Variants in NFAM1 observed in about 807,000 individuals in gnomAD.
The protein encoded by NFAM1 is NFAT activating protein with ITAM motif 1.
Under a neutral mutation model 29.0 loss-of-function variants are expected in NFAM1, and 17 were observed. That is an observed-to-expected ratio of 0.59 (90% CI 0.40 to 0.88). The LOEUF is 0.88. NFAM1 is among the 40% of genes least tolerant of loss of function. The pLI is 0.00. For synonymous variants in NFAM1, 175 were observed against 147.2 expected (o/e 1.19, Z -1.36); for missense variants, 324 against 344.6 (o/e 0.94, Z 0.47).
rs960219194 is a variant in NFAM1 at position 42,387,034 on chromosome 22, A to G, written c.708T>C (p.Asn236=). ...RETEVYACIE[N]EDGSSPTAKQ... is the part of the protein sequence containing the mutation. ...TGGCGGTGGGTGAGCTGCCATCCTC[A>G]TTCTCGATGCAGGCATAGACCTCGG... Residue 236 remains asparagine, a synonymous_variant, in exon 5 of 6, where the codon AAT becomes AAC. Transcript: ENST00000329021. 7.6e-6 allele frequency: 12 copies of G among 1,586,086 alleles called. No individual in the cohort carries two copies. Among genetic ancestry groups the G allele is most frequent in the Non-Finnish European group, 9.4e-6 (11 of 1,167,000 alleles).
At position 42,389,293 on chromosome 22, in the gene NFAM1, G is replaced by A. The variant is rs74348676; in HGVS notation, c.664-2215C>T. Among the ~76,000 whole-genome samples, 1,053 of 152,256 alleles carry A rather than the reference G, an allele frequency of 6.9e-3. 10 individuals carry two copies. The highest frequency in any genetic ancestry group is 0.011 in the Non-Finnish European group (724 of 68,012). ...CCCCAACCCATACAGTGGGGGAGTC[G>A]GGGAATAGGCGAGTGGGCGGTGGTG... On this transcript the variant is annotated intron_variant, in intron 4 of 5. Transcript: ENST00000329021.
chr22:42,432,407 G>T (rs1294116931), upstream of NFAM1: 7 of 1,490,298 alleles, frequency 4.7e-6, no homozygotes, highest in Non-Finnish European at 5.3e-6. Flanking sequence ...GGAGGGGACG[G>T]CCGGCGCTGA....
chr22:42,433,292 C>T (rs1400991929), upstream of NFAM1, among the ~76,000 whole-genome samples: 1 of 152,224 alleles, frequency 6.6e-6, no homozygotes, highest in African/African-American at 2.4e-5. Flanking sequence ...ATGGAAGACG[C>T]AGGCGGGAAG....
chr22:42,419,984 CTCTTGGTT>C lies in NFAM1; in HGVS notation c.122-8256_122-8249del, dbSNP rs1930380714. Among the ~76,000 whole-genome samples, 10 of 108,060 alleles carry C rather than the reference CTCTTGGTT, an allele frequency of 9.3e-5. No individual in the cohort carries two copies. The highest frequency in any genetic ancestry group is 2.8e-4 in the East Asian group (1 of 3,586). The allele number at this position is 108,060 out of a possible 152,430, so 70.9% of individuals were successfully genotyped here. The stretch of plus-strand genomic sequence containing the variant: ...GGGTCCCTTTGAGTCTGTAATCCCA[CTCTTGGTT>C]TTTTTTTTTTTTTTTTTTTTTTTTT... On this transcript the variant is annotated intron_variant, in intron 1 of 5. Coordinates refer to ENST00000329021, the MANE Select transcript of NFAM1 (RefSeq NM_145912.8). The surrounding 1 kb of genome is among the most constrained non-coding windows in gnomAD (Gnocchi z 4.5).
chr22:42,391,086 G>T (rs1192456285), intron 4 of NFAM1, among the ~76,000 whole-genome samples: 1 of 152,142 alleles, frequency 6.6e-6, no homozygotes, highest in Non-Finnish European at 1.5e-5. Flanking sequence ...CCTCTGACCT[G>T]GGCACTCCTC....
chr22:42,385,651 A>G (rs1253379204), intron 5 of NFAM1, among the ~76,000 whole-genome samples: 2 of 151,750 alleles, frequency 1.3e-5, no homozygotes, highest in Non-Finnish European at 2.9e-5. Context: ...AGGGCTACAA[A>G]TGCCTCTGTG....
chr22:42,420,630 G>A (rs1466304926), intron 1 of NFAM1, among the ~76,000 whole-genome samples: 1 of 151,902 alleles, frequency 6.6e-6, no homozygotes, highest in Admixed American at 6.6e-5. Context: ...GCCGGGTATG[G>A]TGGCAGGCGC....
intron 1 of NFAM1, among the ~76,000 whole-genome samples, chr22:42,418,557 G>C (rs902097783): frequency 4.6e-5 from 7 of 152,196 alleles, no homozygotes; most frequent in African/African-American, 1.7e-4. Flanking sequence ...TCTGGGTGTA[G>C]TGGCACAAGC....
At chr22:42,410,777 A>G (rs1435293860) in intron 2 of NFAM1, among the ~76,000 whole-genome samples, 1 of 151,998 alleles carries the variant, frequency 6.6e-6, no homozygotes, top group Non-Finnish European at 1.5e-5. Flanking sequence ...ACATGCACAT[A>G]CCTAGTTCTG....
At chr22:42,391,945 CAAAAAAAAAA>C (rs58006775) in intron 4 of NFAM1, among the ~76,000 whole-genome samples, 5 of 68,968 alleles carry the variant, frequency 7.2e-5, no homozygotes, top group Admixed American at 1.7e-4. Flanking sequence ...GACTCTGTCT[CAAAAAAAAAA>C]AAAAAAAAAA....
chr22:42,413,573 C>G (rs576441030), intron 1 of NFAM1, among the ~76,000 whole-genome samples: 4 of 151,504 alleles, frequency 2.6e-5, no homozygotes, highest in Non-Finnish European at 5.9e-5. Flanking sequence ...GCCTGGAGTT[C>G]GAGACCAGCC....
intron 1 of NFAM1, among the ~76,000 whole-genome samples, chr22:42,424,169 A>G (rs2146553328): frequency 6.6e-6 from 1 of 152,066 alleles, no homozygotes. Flanking sequence ...TAATCCCAGC[A>G]CTTTGGGAGG....
At chr22:42,401,250 C>T (rs764698215) in intron 3 of NFAM1, among the ~76,000 whole-genome samples, 4 of 152,166 alleles carry the variant, frequency 2.6e-5, no homozygotes, top group Non-Finnish European at 4.4e-5. Context: ...TTAGACATTG[C>T]GAACAGCTCG....
chr22:42,432,213 G>C (rs1317779901), intron 1 of NFAM1, 24 bp downstream of exon 1: 8 of 1,559,514 alleles, frequency 5.1e-6, no homozygotes, highest in Middle Eastern at 1.8e-4. Context: ...AGAGAGTAGA[G>C]AGAAGGAGGA....
intron 3 of NFAM1, among the ~76,000 whole-genome samples, chr22:42,404,852 CAAAAAAAAAAA>C (rs397937097): frequency 2.3e-5 from 2 of 88,746 alleles, no homozygotes; most frequent in African/African-American, 7.8e-5. Flanking sequence ...AACTCCATCT[CAAAAAAAAAAA>C]AAAAAAAAAG....
chr22:42,421,413 C>A (rs1180402362), intron 1 of NFAM1, among the ~76,000 whole-genome samples: 5 of 150,220 alleles, frequency 3.3e-5, no homozygotes, highest in African/African-American at 9.8e-5. Context: ...TCATTGCACT[C>A]CAGCCTGGGC....
intron 3 of NFAM1, among the ~76,000 whole-genome samples, chr22:42,400,931 C>G (rs186854368): frequency 1.3e-5 from 2 of 152,334 alleles, no homozygotes; most frequent in East Asian, 3.9e-4. Context: ...GGGCTCAGCT[C>G]TTTGGACCTG....
chr22:42,403,109 T>A (rs1929782034), intron 3 of NFAM1, among the ~76,000 whole-genome samples: 1 of 151,734 alleles, frequency 6.6e-6, no homozygotes, highest in Admixed American at 6.6e-5. Flanking sequence ...AGTGTTGGGA[T>A]TATAGTCGTG....
In NFAM1 at chr22:42,384,742, G is replaced by A. The variant is rs1003789840; in HGVS notation, c.*419C>T. 6 of 220,766 alleles carry A rather than the reference G, an allele frequency of 2.7e-5. No homozygotes were observed. The highest frequency in any genetic ancestry group is 9.2e-5 in the African/African-American group (4 of 43,412). The allele number at this position is 220,766 out of a possible 1,614,324, so 13.7% of individuals were successfully genotyped here. A position where few individuals can be genotyped will look rare whatever the true frequency, so the allele number is the denominator to read the frequency against. On this transcript the variant is annotated 3_prime_UTR_variant, in exon 6 of 6. Coordinates refer to ENST00000329021, the MANE Select transcript of NFAM1 (RefSeq NM_145912.8). The stretch of plus-strand genomic sequence containing the variant: ...GGCTCCCCACACAGCACTGCTAGGC[G>A]CCCCTGCAGGGTCCTCCCTCAGCTC...
Sources: allele counts gnomAD v4.1 joint callset (sites outside exome capture counted in the v4.1 genomes callset), GRCh38; gene constraint gnomAD v4.1.1; non-coding constraint Gnocchi (gnomAD v3.1); transcripts MANE v1.5; gene names NCBI Gene and HGNC (gene_info 2026-07-23, HGNC 2026-07-21).